CABIN1: variants seen among roughly 807,000 people sequenced by gnomAD.
CABIN1 encodes calcineurin-binding protein cabin-1.
In CABIN1, 133 loss-of-function variants were observed where a neutral mutation model predicts 227.7. That is an observed-to-expected ratio of 0.58 (90% CI 0.51 to 0.67). The LOEUF (loss-of-function observed/expected upper bound fraction) is 0.67, where lower values mean the gene tolerates loss of function less well. CABIN1 is among the 30% of genes least tolerant of loss of function. The probability of loss-of-function intolerance (pLI) is 0.00; values close to 1 mark genes in which losing one functional copy is unlikely to be tolerated. For synonymous variants in CABIN1, 1,086 were observed against 1,155.1 expected (o/e 0.94, Z 1.21); for missense variants, 2,408 against 2,852.5 (o/e 0.84, Z 3.55).
intron 29 of CABIN1, among the ~76,000 whole-genome samples, chr22:24,154,875 A>G (rs2045689340): frequency 6.6e-6 from 1 of 152,222 alleles, no homozygotes; most frequent in Non-Finnish European, 1.5e-5. Flanking sequence ...GAAACCAGCC[A>G]GCTCAGAGAG....
At chr22:24,166,386 C>CA (rs2046447975) in intron 31 of CABIN1, among the ~76,000 whole-genome samples, 1 of 152,242 alleles carries the variant, frequency 6.6e-6, no homozygotes, top group Admixed American at 6.5e-5. Flanking sequence ...AGAGTCCCGT[C>CA]AGCCCCTTGC....
At chr22:24,169,319 C>G (rs1346080606) in intron 33 of CABIN1, among the ~76,000 whole-genome samples, 1 of 152,110 alleles carries the variant, frequency 6.6e-6, no homozygotes, top group Non-Finnish European at 1.5e-5. Flanking sequence ...TCCCGATGCC[C>G]CCGGTAGCCT....
chr22:24,047,151 T>TA (rs1017983211), intron 6 of CABIN1, among the ~76,000 whole-genome samples: 51 of 152,296 alleles, frequency 3.3e-4, no homozygotes, highest in African/African-American at 1.2e-3. Flanking sequence ...AATAGACACA[T>TA]ACAATTAATC....
chr22:24,165,970 C>A (rs1016770245), intron 31 of CABIN1, among the ~76,000 whole-genome samples: 1 of 152,326 alleles, frequency 6.6e-6, no homozygotes, highest in East Asian at 1.9e-4. Context: ...GTGTGTGCAT[C>A]GTCCCTTTTC....
intron 26 of CABIN1, among the ~76,000 whole-genome samples, chr22:24,108,250 G>C (rs184312739): frequency 3.2e-4 from 49 of 152,298 alleles, no homozygotes; most frequent in Non-Finnish European, 4.6e-4. Context: ...GTGGGTCTGG[G>C]AGCCCAACCC....
chr22:24,011,900 C>T (rs1451614308), intron 1 of CABIN1, among the ~76,000 whole-genome samples: 2 of 152,234 alleles, frequency 1.3e-5, no homozygotes, highest in Non-Finnish European at 2.9e-5. Flanking sequence ...TGGAACTCAC[C>T]TGGCATTCCC....
At chr22:24,046,757 C>T (rs1028778147) in intron 6 of CABIN1, among the ~76,000 whole-genome samples, 1 of 152,122 alleles carries the variant, frequency 6.6e-6, no homozygotes, top group Non-Finnish European at 1.5e-5. Flanking sequence ...CAGCAAGCTG[C>T]AGACCCAGGA....
chr22:24,098,754 C>G (rs563793093), intron 26 of CABIN1, among the ~76,000 whole-genome samples: 1 of 152,326 alleles, frequency 6.6e-6, no homozygotes, highest in East Asian at 1.9e-4. Context: ...ACATTCCTTA[C>G]TAACATTAGG....
At chr22:24,123,122 G>A (rs2043517992) in intron 28 of CABIN1, among the ~76,000 whole-genome samples, 1 of 152,064 alleles carries the variant, frequency 6.6e-6, no homozygotes, top group South Asian at 2.1e-4. Context: ...AGGGTAGGCG[G>A]GCCAGTTGAC....
chr22:24,082,335 C>T (rs575190594), intron 19 of CABIN1, among the ~76,000 whole-genome samples: 1 of 152,262 alleles, frequency 6.6e-6, no homozygotes, highest in South Asian at 2.1e-4. Flanking sequence ...AGCGATCCTC[C>T]CACCTCGGCC....
rs761512341 is a variant in CABIN1 at position 24,070,902 on chromosome 22, G to A, written c.2335G>A (p.Ala779Thr). Residue 779 changes from alanine to threonine, a missense_variant, in exon 17 of 37, where the codon GCC becomes ACC. Ala to Thr is a moderately conservative substitution (Grantham distance 58, BLOSUM62 0). Transcript: ENST00000263119. The part of the protein sequence containing the change: ...QQMVNSGEAA[A>T]KEEWVATVTQ... The stretch of plus-strand genomic sequence containing the variant: ...GATGGTGAACTCAGGTGAGGCTGCC[G>A]CCAAGGAGGAGTGGGTGGCCACAGT... 5.6e-6 allele frequency: 9 copies of A among 1,614,234 alleles called. No individual in the cohort carries two copies. Among genetic ancestry groups the A allele is most frequent in the East Asian group, 2.2e-5 (1 of 44,882 alleles).
Position 24,164,533 on chromosome 22 carries a change from C to G in CABIN1, c.4880C>G (p.Ser1627Cys). Residue 1627 changes from serine (S) to cysteine (C), a missense_variant, in exon 30 of 37, where the codon TCC becomes TGC. Around this residue, in one of 3 missense-constraint regions of CABIN1, gnomAD observed 649 missense variants for 910.3 expected, o/e 0.71. Transcript: ENST00000263119. ...CACAGCACCCTGCTGAAGGTGTCCT[C>G]CATGCTTCAGCGGACCCCAGACCAG... ...RDHSTLLKVSSMLQRTPDQGK... is the reference protein window; with the variant it reads ...RDHSTLLKVSCMLQRTPDQGK... The G allele has an allele frequency of 2.5e-6, 4 of 1,605,576 alleles. No individual in the cohort carries two copies. The highest frequency in any genetic ancestry group is 3.4e-6 in the Non-Finnish European group (4 of 1,179,946).
chr22:24,094,779 T>C (rs1404912402), intron 24 of CABIN1, among the ~76,000 whole-genome samples: 1 of 138,124 alleles, frequency 7.2e-6, no homozygotes, highest in Non-Finnish European at 1.5e-5. Flanking sequence ...ATTGCGCCAC[T>C]GCAGTCCGCA....
intron 29 of CABIN1, 92 bp from the exon 30 acceptor site, chr22:24,164,308 C>T: frequency 6.6e-7 from 1 of 1,522,072 alleles, no homozygotes; most frequent in Non-Finnish European, 9.0e-7. Context: ...CCCTTTGGCA[C>T]TGTGGCAGTT....
At chr22:24,024,225 A>C (rs2035923075) in intron 1 of CABIN1, among the ~76,000 whole-genome samples, 1 of 151,810 alleles carries the variant, frequency 6.6e-6, no homozygotes, top group African/African-American at 2.4e-5. Context: ...TTTAAGTTTT[A>C]GGGTACATGT....
At chr22:24,170,520 C>T (rs1053854594) in intron 33 of CABIN1, among the ~76,000 whole-genome samples, 2 of 152,156 alleles carry the variant, frequency 1.3e-5, no homozygotes, top group Non-Finnish European at 2.9e-5. Context: ...CTGGTATTGC[C>T]GCAGGCCCGC....
At chr22:24,016,770 G>C (rs1334905210) in intron 1 of CABIN1, among the ~76,000 whole-genome samples, 1 of 152,202 alleles carries the variant, frequency 6.6e-6, no homozygotes, top group Non-Finnish European at 1.5e-5. Flanking sequence ...TATGAGAATA[G>C]CGCCTGTTTC....
At chr22:24,175,119 C>T (rs1327260888) in intron 34 of CABIN1, among the ~76,000 whole-genome samples, 1 of 152,244 alleles carries the variant, frequency 6.6e-6, no homozygotes, top group East Asian at 1.9e-4. Context: ...ATTCCCATTC[C>T]CAAAACCAAA....
At chr22:24,127,214 G>C (rs568993994) in intron 28 of CABIN1, among the ~76,000 whole-genome samples, 1 of 152,134 alleles carries the variant, frequency 6.6e-6, no homozygotes, top group Non-Finnish European at 1.5e-5. Flanking sequence ...AACTTACACA[G>C]GCCCAGGCAG....
Sources: allele counts gnomAD v4.1 joint callset (sites outside exome capture counted in the v4.1 genomes callset), GRCh38; gene constraint gnomAD v4.1.1; regional missense constraint gnomAD v4.1.1; transcripts MANE v1.5; gene names NCBI Gene and HGNC (gene_info 2026-07-23, HGNC 2026-07-21).